EBF3: variants seen among roughly 807,000 people sequenced by gnomAD.
The protein encoded by EBF3 is transcription factor COE3.
Under a neutral mutation model 77.1 loss-of-function variants are expected in EBF3, and 18 were observed. The ratio of observed to expected loss-of-function variants is 0.23; its 90% CI spans 0.16 to 0.35. The LOEUF (loss-of-function observed/expected upper bound fraction) is 0.35. Ranked by LOEUF, EBF3 falls within the 10% of genes least tolerant of loss-of-function variation. The pLI is 1.00. For synonymous variants in EBF3, 350 were observed against 343.5 expected, an observed-to-expected ratio of 1.02 and a Z score of -0.21; for missense variants, 558 against 860.0, an observed-to-expected ratio of 0.65 and a Z score of 4.39.
chr10:129,897,904 C>G lies in EBF3; in HGVS notation c.555-20055G>C, dbSNP rs1304948684. Among the ~76,000 whole-genome samples, 2 of 152,140 alleles carry G rather than the reference C, an allele frequency of 1.3e-5. No homozygotes were observed. Among genetic ancestry groups the G allele is most frequent in the Non-Finnish European group, 2.9e-5 (2 of 68,036 alleles). On this transcript the variant is annotated intron_variant, in intron 6 of 16. Coordinates refer to ENST00000440978, the MANE Select transcript of EBF3 (RefSeq NM_001375380.1). This position sits in a 1 kb window ranked among gnomAD's most constrained non-coding sequence, Gnocchi z 4.6. ...ATCCTCCAAATGCTGCAATTTCTGCCCTTTTCCTGGTGAGGAATTTCAAAT... is the reference window on the plus strand; with the variant it reads ...ATCCTCCAAATGCTGCAATTTCTGCGCTTTTCCTGGTGAGGAATTTCAAAT...
intron 6 of EBF3, among the ~76,000 whole-genome samples, chr10:129,939,699 G>C (rs2134476653): frequency 6.6e-6 from 1 of 152,308 alleles, no homozygotes; most frequent in African/African-American, 2.4e-5. Context: ...CTCTTCCCAT[G>C]CTTCTCAGCG....
Position 129,836,121 on chromosome 10 carries a change from T to A in EBF3, c.*1822A>T, listed in dbSNP as rs932803856. On this transcript the variant is annotated 3_prime_UTR_variant, in exon 17 of 17. Coordinates refer to ENST00000440978, the MANE Select transcript of EBF3 (RefSeq NM_001375380.1). ...GGTCATGCAGCGGGCTTGTGCTTTTTTGTGTGTGTTTGTGTGTTTTACACC... is the reference window on the plus strand; with the variant it reads ...GGTCATGCAGCGGGCTTGTGCTTTTATGTGTGTGTTTGTGTGTTTTACACC... The A allele has an allele frequency of 6.6e-6, 1 of 152,610 alleles. No individual in the cohort carries two copies. The highest frequency in any genetic ancestry group is 1.5e-5 in the Non-Finnish European group (1 of 68,046). The allele number at this position is 152,610 out of a possible 1,614,324, so 9.5% of individuals were successfully genotyped here. A position where few individuals can be genotyped will look rare whatever the true frequency, so the allele number is the denominator to read the frequency against.
intron 6 of EBF3, among the ~76,000 whole-genome samples, chr10:129,884,376 C>T (rs976312483): frequency 2.6e-5 from 4 of 152,126 alleles, no homozygotes; most frequent in Non-Finnish European, 4.4e-5. Flanking sequence ...TTCCAAAATG[C>T]GAGGGTCTTA....
intron 11 of EBF3, among the ~76,000 whole-genome samples, chr10:129,843,534 T>C (rs1222452994): frequency 6.6e-6 from 1 of 152,184 alleles, no homozygotes. Flanking sequence ...CTTATGGGTA[T>C]TAAACAAATA....
rs1858735307 is a variant in EBF3, at chr10:129,952,327, C to T, written c.554+4931G>A. 6.6e-6 allele frequency among the ~76,000 whole-genome samples: 1 copy of T among 152,198 alleles called. No homozygotes were observed. The highest frequency in any genetic ancestry group is 2.1e-4 in the South Asian group (1 of 4,830). On this transcript the variant is annotated intron_variant, in intron 6 of 16. Coordinates refer to ENST00000440978, the MANE Select transcript of EBF3 (RefSeq NM_001375380.1). This position sits in a 1 kb window ranked among gnomAD's most constrained non-coding sequence, Gnocchi z 4.7. ...AGTTGTCATTTAAGAAGTTAATAAA[C>T]AGTCTCCGTTTTGCAGGTTATCCAA...
chr10:129,846,208 T>C (rs1183044321), intron 11 of EBF3, among the ~76,000 whole-genome samples: 5 of 151,534 alleles, frequency 3.3e-5, no homozygotes, highest in Admixed American at 6.6e-5. Context: ...TGATGGTGCC[T>C]AAAATTAGGA....
chr10:129,867,196 G>A lies in EBF3; in HGVS notation c.984C>T (p.Leu328=). 1 of 1,614,196 alleles carries A rather than the reference G, an allele frequency of 6.2e-7. No individual in the cohort carries two copies. The highest frequency in any genetic ancestry group is 8.5e-7 in the Non-Finnish European group (1 of 1,180,046). Residue 328 remains leucine, a synonymous_variant, in exon 10 of 17, where the codon CTC becomes CTT. Transcript: ENST00000440978. ...TGCAGAACTGCTTGGATTTGTAGGA[G>A]AGGGTCACTTCGACGACGCCAGGAA... ...RHIPGVVEVT[L]SYKSKQFCKG... is the part of the protein sequence containing the mutation.
At chr10:129,925,235 A>C (rs1298681457) in intron 6 of EBF3, among the ~76,000 whole-genome samples, 1 of 151,468 alleles carries the variant, frequency 6.6e-6, no homozygotes, top group Non-Finnish European at 1.5e-5. Flanking sequence ...AGAATGATGC[A>C]CAGAGCCTGG....
rs1043163016 is a variant in EBF3, at chr10:129,841,671, G to C, written c.1372+445C>G. Among the ~76,000 whole-genome samples, 2 of 152,134 alleles carry C rather than the reference G, an allele frequency of 1.3e-5. No homozygotes were observed. Among genetic ancestry groups the C allele is most frequent in the African/African-American group, 4.8e-5 (2 of 41,434 alleles). On this transcript the variant is annotated intron_variant, in intron 13 of 16. Transcript: ENST00000440978. This position sits in a 1 kb window ranked among gnomAD's most constrained non-coding sequence, Gnocchi z 4.6. The stretch of plus-strand genomic sequence containing the variant: ...GCTGGCCCAGGACACTGCACTGTGG[G>C]ATGGGGTGCGGGGTGGGGAAATGGG...
chr10:129,951,515 A>G (rs1858679795), intron 6 of EBF3, among the ~76,000 whole-genome samples: 1 of 152,272 alleles, frequency 6.6e-6, no homozygotes, highest in Non-Finnish European at 1.5e-5. Flanking sequence ...GCACAGGCAG[A>G]CGGGAATCCG....
intron 10 of EBF3, among the ~76,000 whole-genome samples, chr10:129,850,157 T>TCC (rs1850762854): frequency 1.3e-5 from 2 of 152,246 alleles, no homozygotes; most frequent in Non-Finnish European, 2.9e-5. Flanking sequence ...CGTGTCAGGT[T>TCC]TCTCCTCTCC....
At chr10:129,849,619 G>A (rs573616507) in intron 10 of EBF3, among the ~76,000 whole-genome samples, 31 of 152,352 alleles carry the variant, frequency 2.0e-4, no homozygotes, top group Non-Finnish European at 4.3e-4. Context: ...CATCTTGTAA[G>A]CAACGCAGGA....
At chr10:129,934,694 G>A (rs182377607) in intron 6 of EBF3, among the ~76,000 whole-genome samples, 5 of 152,282 alleles carry the variant, frequency 3.3e-5, no homozygotes, top group South Asian at 2.1e-4. Context: ...CAGTTGGGAA[G>A]AGGAGACTGA....
intron 6 of EBF3, among the ~76,000 whole-genome samples, chr10:129,887,101 G>A (rs1270442030): frequency 2.7e-5 from 4 of 148,600 alleles, no homozygotes; most frequent in Non-Finnish European, 4.5e-5. Context: ...GCTGAGAGTC[G>A]GGGGCACTGG....
chr10:129,937,764 C>G (rs1254732409), intron 6 of EBF3, among the ~76,000 whole-genome samples: 1 of 152,182 alleles, frequency 6.6e-6, no homozygotes, highest in Admixed American at 6.5e-5. Flanking sequence ...CTGTCCCTGG[C>G]AGCCAAGGGG....
intron 6 of EBF3, among the ~76,000 whole-genome samples, chr10:129,907,937 G>T (rs1050899996): frequency 6.6e-6 from 1 of 152,156 alleles, no homozygotes; most frequent in Non-Finnish European, 1.5e-5. Flanking sequence ...TGGAATAATA[G>T]CAGCACTGAA....
chr10:129,951,833 T>C (rs1858705873), intron 6 of EBF3, among the ~76,000 whole-genome samples: 1 of 152,242 alleles, frequency 6.6e-6, no homozygotes, highest in Admixed American at 6.5e-5. Context: ...GCCTCCCTCT[T>C]TAAATGAAAG....
chr10:129,893,659 GACGCCGGGA>G (rs763571866), intron 6 of EBF3, among the ~76,000 whole-genome samples: 10 of 152,206 alleles, frequency 6.6e-5, no homozygotes, highest in Non-Finnish European at 1.2e-4. Context: ...CAAACTTCCT[GACGCCGGGA>G]ACGAGCCTCT....
intron 6 of EBF3, among the ~76,000 whole-genome samples, chr10:129,889,070 G>A (rs1853822966): frequency 6.6e-6 from 1 of 152,184 alleles, no homozygotes. Flanking sequence ...TCATGGGAAG[G>A]AACCAGCAGC....
Sources: gnomAD v4.1 joint callset for allele counts (sites outside exome capture counted in the v4.1 genomes callset) on GRCh38, gnomAD v4.1.1 for gene constraint, Gnocchi (gnomAD v3.1) non-coding constraint, MANE v1.5 for transcripts, NCBI Gene and HGNC (gene_info 2026-07-23, HGNC 2026-07-21) for gene names.